ACOX3: variants seen among roughly 807,000 people sequenced by gnomAD.
ACOX3 encodes the protein acyl-CoA oxidase 3, pristanoyl, also known as peroxisomal acyl-coenzyme A oxidase 3.
In ACOX3, 73 loss-of-function variants were observed where a neutral mutation model predicts 81.5. The ratio of observed to expected loss-of-function variants is 0.90; its 90% confidence interval spans 0.74 to 1.09. ACOX3 has a LOEUF of 1.09. Ranked by LOEUF, ACOX3 falls within the 50% of genes least tolerant of loss-of-function variation. The probability of loss-of-function intolerance (pLI) is 0.00; values close to 1 mark genes in which losing one functional copy is unlikely to be tolerated. For synonymous variants in ACOX3, 387 were observed against 375.1 expected (o/e 1.03, Z -0.37); for missense variants, 947 against 928.0 (o/e 1.02, Z -0.27).
Position 8,374,861 on chromosome 4 carries a change from C to T in ACOX3, c.1828+117G>A, listed in dbSNP as rs552336026. On this transcript the variant is annotated intron_variant, in intron 15 of 17. Transcript: ENST00000356406. ...CTTCTCATCTGTCCACAGCGCCATC[C>T]GCCGTGCTCAGTGAGTCCCGTGGAA... The T allele has an allele frequency of 1.0e-5, 12 of 1,162,108 alleles. No homozygotes were observed. In the African/African-American group the frequency reaches 1.1e-4, roughly 11 times the overall value. 72.0% of individuals were successfully genotyped at this position (1,162,108 alleles called of 1,614,324 possible).
rs1170070430 is a variant in ACOX3, at chr4:8,437,990, A to G, written c.-15+2658T>C. Among the ~76,000 whole-genome samples, 1 of 152,240 alleles carries G rather than the reference A, an allele frequency of 6.6e-6. No homozygotes were observed. The highest frequency in any genetic ancestry group is 1.5e-5 in the Non-Finnish European group (1 of 68,038). The stretch of plus-strand genomic sequence containing the variant: ...CACTGATGGCTAAGCCACTAGATAG[A>G]GTTACAAAGGGGGGAAAGAAAAAGA... On this transcript the variant is annotated intron_variant, in intron 1 of 17. Transcript: ENST00000356406. The surrounding 1 kb of genome is among the most constrained non-coding windows in gnomAD (Gnocchi z 5.2).
At chr4:8,439,223 A>G (rs925426096) in intron 1 of ACOX3, 1 of 152,190 alleles carries the variant, frequency 6.6e-6, no homozygotes, top group African/African-American at 2.4e-5. Context: ...AGAAACACCT[A>G]TATAAGGTGT....
chr4:8,391,039 GTATATGTA>G (rs1560179471), intron 11 of ACOX3, among the ~76,000 whole-genome samples: 29 of 86,698 alleles, frequency 3.3e-4, no homozygotes, highest in African/African-American at 1.8e-3. Context: ...ATGTGTATAT[GTATATGTA>G]TATGTATATG....
At chr4:8,390,184 A>G (rs903783122) in intron 11 of ACOX3, among the ~76,000 whole-genome samples, 4 of 151,258 alleles carry the variant, frequency 2.6e-5, no homozygotes, top group African/African-American at 9.8e-5. Context: ...TAAAAAATGA[A>G]AAAAAAAATT....
chr4:8,438,654 G>A (rs1303296371), intron 1 of ACOX3: 1 of 152,192 alleles, frequency 6.6e-6, no homozygotes, highest in Non-Finnish European at 1.5e-5. Context: ...CTATAAGCCT[G>A]ACACCCCTTT....
In ACOX3 at chr4:8,416,816, C is replaced by T. The variant is rs1722397192; in HGVS notation, c.-14-281G>A. On this transcript the variant is annotated intron_variant, in intron 1 of 17. Transcript: ENST00000356406. This position sits in a 1 kb window ranked among gnomAD's most constrained non-coding sequence, Gnocchi z 4.2. ...CAGGCACACAGGGCAGAGGGTTTGT[C>T]AGAGTCTTGTTTTCTGTCACACAGC... 6.6e-6 allele frequency among the ~76,000 whole-genome samples: 1 copy of T among 152,258 alleles called. No individual in the cohort carries two copies. The highest frequency in any genetic ancestry group is 2.4e-5 in the African/African-American group (1 of 41,472).
chr4:8,424,163 G>C (rs756110486), intron 1 of ACOX3, among the ~76,000 whole-genome samples: 2 of 152,168 alleles, frequency 1.3e-5, no homozygotes, highest in Non-Finnish European at 2.9e-5. Flanking sequence ...CAATTAAGAG[G>C]GTTCCTTGGC....
At chr4:8,369,320 C>A (rs1715862473) in intron 17 of ACOX3, among the ~76,000 whole-genome samples, 1 of 152,120 alleles carries the variant, frequency 6.6e-6, no homozygotes, top group Non-Finnish European at 1.5e-5. Context: ...TAGGGCAAGT[C>A]CCTCTCCTAT....
In ACOX3 at chr4:8,389,452, C is replaced by A. The variant is rs1718701318; in HGVS notation, c.1423+160G>T. On this transcript the variant is annotated intron_variant, in intron 12 of 17. Coordinates refer to ENST00000356406, the MANE Select transcript of ACOX3 (RefSeq NM_003501.3). This position sits in a 1 kb window ranked among gnomAD's most constrained non-coding sequence, Gnocchi z 5.3. ...AGGACCCTCCCCACCCCAGCCTTTG[C>A]CCATGCCTTGGGGAGTTGGTCGGCA... Among the ~76,000 whole-genome samples, 1 of 152,238 alleles carries A rather than the reference C, an allele frequency of 6.6e-6. No individual in the cohort carries two copies. Among genetic ancestry groups the A allele is most frequent in the Admixed American group, 6.5e-5 (1 of 15,290 alleles).
downstream of ACOX3, among the ~76,000 whole-genome samples, chr4:8,365,828 T>C (rs1407993736): frequency 5.3e-5 from 8 of 152,174 alleles, no homozygotes; most frequent in Non-Finnish European, 1.2e-4. Flanking sequence ...AATTCAGTTT[T>C]TAAAAACATT....
downstream of ACOX3, among the ~76,000 whole-genome samples, chr4:8,366,013 T>A (rs1715404997): frequency 6.6e-6 from 1 of 152,194 alleles, no homozygotes; most frequent in Non-Finnish European, 1.5e-5. Context: ...CCCAACTCCC[T>A]GCTACTGAAG....
intron 1 of ACOX3, among the ~76,000 whole-genome samples, chr4:8,434,539 C>T (rs898472554): frequency 2.6e-5 from 4 of 152,262 alleles, no homozygotes; most frequent in Admixed American, 2.0e-4. Flanking sequence ...CATTTGCCCC[C>T]GTGGAATGCC....
Position 8,368,351 on chromosome 4 carries a change from A to C in ACOX3, c.1984-1271T>G, listed in dbSNP as rs1039010399. Among the ~76,000 whole-genome samples the C allele has an allele frequency of 7.9e-5, 12 of 152,244 alleles. No homozygotes were observed. Among genetic ancestry groups the C allele is most frequent in the Non-Finnish European group, 1.6e-4 (11 of 68,050 alleles). Reference sequence around the variant, plus strand: ...GGAAGGTTGTACAAATGAAGGGCGAAGGGCAGCTGAGCAGACACTTCACCC... The same window carrying C: ...GGAAGGTTGTACAAATGAAGGGCGACGGGCAGCTGAGCAGACACTTCACCC... On this transcript the variant is annotated intron_variant, in intron 17 of 17. Transcript: ENST00000356406. The surrounding 1 kb of genome is among the most constrained non-coding windows in gnomAD (Gnocchi z 5.9).
Position 8,399,545 on chromosome 4 carries a change from C to T in ACOX3, c.873+11G>A, listed in dbSNP as rs1720120794. On this transcript the variant is annotated intron_variant, in intron 8 of 17. Transcript: ENST00000356406. The surrounding 1 kb of genome is among the most constrained non-coding windows in gnomAD (Gnocchi z 4.9). ...GAAGCACGGCACACGAACGGCCCCC[C>T]ATGCCTGTACCTTAAAGGGGCTGAC... The T allele has an allele frequency of 1.9e-6, 3 of 1,607,416 alleles. No homozygotes were observed. The highest frequency in any genetic ancestry group is 1.1e-5 in the South Asian group (1 of 90,880).
chr4:8,439,656 G>C (rs1406928919), intron 1 of ACOX3, among the ~76,000 whole-genome samples: 1 of 152,236 alleles, frequency 6.6e-6, no homozygotes, highest in Non-Finnish European at 1.5e-5. Context: ...ACATGTGCCT[G>C]TACTGGTTTA....
chr4:8,371,010 G>T lies in ACOX3; in HGVS notation c.1897-16C>A. 3 of 1,612,816 alleles carry T rather than the reference G, an allele frequency of 1.9e-6. No homozygotes were observed. The highest frequency in any genetic ancestry group is 2.5e-6 in the Non-Finnish European group (3 of 1,179,046). ...CGTCTTTCAGCTGTTGGAAAACAAAGCCCAGACACTTGGCACCTCCCGGGA... is the reference window on the plus strand; with the variant it reads ...CGTCTTTCAGCTGTTGGAAAACAAATCCCAGACACTTGGCACCTCCCGGGA... On this transcript the variant is annotated splice_polypyrimidine_tract_variant and intron_variant, in intron 16 of 17. Transcript: ENST00000356406.
chr4:8,427,148 T>C (rs961020335), intron 1 of ACOX3, among the ~76,000 whole-genome samples: 6 of 152,062 alleles, frequency 3.9e-5, no homozygotes. Flanking sequence ...AATCAGGTAG[T>C]AAAGAGAGCT....
Position 8,386,918 on chromosome 4 carries a change from G to A in ACOX3, c.1537+2255C>T, listed in dbSNP as rs1041797450. Among the ~76,000 whole-genome samples the A allele has an allele frequency of 3.3e-5, 5 of 152,184 alleles. No homozygotes were observed. Among genetic ancestry groups the A allele is most frequent in the Non-Finnish European group, 7.3e-5 (5 of 68,030 alleles). On this transcript the variant is annotated intron_variant, in intron 13 of 17. Coordinates refer to ENST00000356406, the MANE Select transcript of ACOX3 (RefSeq NM_003501.3). The surrounding 1 kb of genome is among the most constrained non-coding windows in gnomAD (Gnocchi z 5.2). ...GCTCGGGGGCTGCTATCACATCCAC[G>A]GCGTCGGTCCTGATGGCTGGAACGC...
intron 1 of ACOX3, among the ~76,000 whole-genome samples, chr4:8,427,009 TGA>T (rs1316532246): frequency 1.3e-5 from 2 of 152,096 alleles, no homozygotes; most frequent in Admixed American, 1.3e-4. Context: ...GTTTTCCTGT[TGA>T]GAGGGGGTAC....
Sources: allele counts gnomAD v4.1 joint callset (sites outside exome capture counted in the v4.1 genomes callset), GRCh38; gene constraint gnomAD v4.1.1; non-coding constraint Gnocchi (gnomAD v3.1); transcripts MANE v1.5; gene names NCBI Gene and HGNC (gene_info 2026-07-23, HGNC 2026-07-21).